Variants in GABRR3 observed in about 807,000 individuals in gnomAD.
GABRR3 encodes the protein gamma-aminobutyric acid receptor subunit rho-3.
In GABRR3, 29 loss-of-function variants were observed where a neutral mutation model predicts 43.2. The observed-to-expected ratio is 0.67, with a 90% CI of 0.50 to 0.92. The LOEUF (loss-of-function observed/expected upper bound fraction) is 0.92. Ranked by LOEUF, GABRR3 falls within the 40% of genes least tolerant of loss-of-function variation. GABRR3 has a pLI of 0.00. For missense variants in GABRR3, 576 were observed against 572.3 expected (o/e 1.01, Z -0.07); for synonymous variants, 206 against 195.9 (o/e 1.05, Z -0.43).
intron 7 of GABRR3, among the ~76,000 whole-genome samples, chr3:98,002,939 C>G (rs1706671359): frequency 6.6e-6 from 1 of 152,060 alleles, no homozygotes; most frequent in Non-Finnish European, 1.5e-5. Context: ...TACACCTGGC[C>G]AACCCACACT....
rs376345458 is a variant in GABRR3, at chr3:98,012,331, C to A, written c.530+13G>T. 1.1e-5 allele frequency: 18 copies of A among 1,606,326 alleles called. No individual in the cohort carries two copies. Among genetic ancestry groups the A allele is most frequent in the Non-Finnish European group, 1.5e-5 (18 of 1,173,660 alleles). ...GTACAGGGAAGCCAAAGGCGATAGG[C>A]AGCTTTCCTTACCTGAGACTTAGGA... On this transcript the variant is annotated intron_variant, in intron 5 of 9. Transcript: ENST00000621172.
chr3:98,019,593 CT>C (rs796580166), intron 3 of GABRR3, among the ~76,000 whole-genome samples: 11 of 149,592 alleles, frequency 7.4e-5, no homozygotes, highest in African/African-American at 1.2e-4. Context: ...CTAATTATGA[CT>C]TTTTTTTTTG....
chr3:98,005,210 A>AACACAC (rs60490447), intron 7 of GABRR3, among the ~76,000 whole-genome samples: 23,418 of 147,888 alleles, frequency 0.16, 2,211 homozygotes, highest in East Asian at 0.21. Context: ...CTAGGCTTTT[A>AACACAC]ACACACACAC....
chr3:98,020,678 T>C (rs1706931278), intron 3 of GABRR3, among the ~76,000 whole-genome samples: 1 of 152,004 alleles, frequency 6.6e-6, no homozygotes, highest in Admixed American at 6.6e-5. Flanking sequence ...TAAAGGTTGT[T>C]TGAAGGCTGA....
chr3:98,029,063 G>A (rs1427485057), intron 2 of GABRR3, among the ~76,000 whole-genome samples: 1 of 152,132 alleles, frequency 6.6e-6, no homozygotes, highest in East Asian at 1.9e-4. Flanking sequence ...CCGCTACTGA[G>A]AAGAAGCTTT....
Position 98,018,607 on chromosome 3 carries a change from G to A in GABRR3, c.239-885C>T, listed in dbSNP as rs142667252. ...TTGATGTTAGTAACATCAACATTTA[G>A]TTTTGCGATGGAAATTTTATGTACA... On this transcript the variant is annotated intron_variant, in intron 3 of 9. Transcript: ENST00000621172. Among the ~76,000 whole-genome samples, 454 of 152,140 alleles carry A rather than the reference G, an allele frequency of 3.0e-3. 4 individuals carry two copies. The highest frequency in any genetic ancestry group is 4.9e-3 in the Non-Finnish European group (330 of 67,996).
chr3:98,016,856 G>C (rs1465970608), intron 4 of GABRR3, among the ~76,000 whole-genome samples: 1 of 152,122 alleles, frequency 6.6e-6, no homozygotes, highest in Non-Finnish European at 1.5e-5. Flanking sequence ...AACAAGGAAA[G>C]TGGTCCTAAA....
At chr3:98,034,795 G>A in intron 2 of GABRR3, 68 bp downstream of exon 2, 1 of 1,579,650 alleles carries the variant, frequency 6.3e-7, no homozygotes, top group Non-Finnish European at 8.7e-7. Context: ...CAGGTTTCCT[G>A]TAGGTCTGAG....
intron 2 of GABRR3, among the ~76,000 whole-genome samples, chr3:98,031,431 C>T (rs1206300712): frequency 6.6e-6 from 1 of 152,178 alleles, no homozygotes; most frequent in Non-Finnish European, 1.5e-5. Context: ...TCTGGCCACA[C>T]GAGGCTCAAG....
Position 98,017,660 on chromosome 3 carries a change from T to C in GABRR3, c.301A>G (p.Asn101Asp), listed in dbSNP as rs770302737. 98 of 1,608,136 alleles carry C rather than the reference T, an allele frequency of 6.1e-5. No individual in the cohort carries two copies. Among genetic ancestry groups the C allele is most frequent in the Non-Finnish European group, 1.9e-5 (22 of 1,176,670 alleles). ...TATCCCATGAAGAAACTTACCATGTTAGTCTCTGAAATGCTGTCAATGCTT... is the reference window on the plus strand; with the variant it reads ...TATCCCATGAAGAAACTTACCATGTCAGTCTCTGAAATGCTGTCAATGCTT... The change falls in exon 4 of 10, where the codon AAC (asparagine) becomes GAC (aspartate). Residue 101 changes from asparagine (N) to aspartate (D), a missense_variant. Physicochemically the swap from Asn to Asp is conservative, Grantham distance 23 (BLOSUM62 1). Coordinates refer to ENST00000621172, the Ensembl canonical transcript of GABRR3.
At chr3:98,021,319 C>G (rs1475104882) in intron 3 of GABRR3, among the ~76,000 whole-genome samples, 1 of 152,110 alleles carries the variant, frequency 6.6e-6, no homozygotes, top group African/African-American at 2.4e-5. Flanking sequence ...CAGATAAAAG[C>G]TCCAAAGATC....
intron 4 of GABRR3, among the ~76,000 whole-genome samples, chr3:98,015,475 C>T (rs1706862835): frequency 6.6e-6 from 1 of 152,202 alleles, no homozygotes; most frequent in Non-Finnish European, 1.5e-5. Flanking sequence ...GGATTATAGG[C>T]ATGAGCCACT....
chr3:97,990,182 C>T (rs1351681933), intron 9 of GABRR3, among the ~76,000 whole-genome samples: 1 of 152,148 alleles, frequency 6.6e-6, no homozygotes, highest in Admixed American at 6.6e-5. Flanking sequence ...TTTATATTTG[C>T]AAAGTTTTTA....
At chr3:98,028,187 G>A (rs964794032) in intron 2 of GABRR3, among the ~76,000 whole-genome samples, 3 of 152,092 alleles carry the variant, frequency 2.0e-5, no homozygotes, top group Admixed American at 6.5e-5. Context: ...CTATGTATCG[G>A]CAAATGGGTA....
chr3:97,985,859 ATTT>A (rs56136655), downstream of GABRR3, among the ~76,000 whole-genome samples: 1 of 149,654 alleles, frequency 6.7e-6, no homozygotes, highest in Non-Finnish European at 1.5e-5. Context: ...ATATATATAT[ATTT>A]TTTTTTATTT....
intron 9 of GABRR3, among the ~76,000 whole-genome samples, chr3:97,990,039 C>A (rs372629905): frequency 4.6e-5 from 7 of 152,284 alleles, no homozygotes; most frequent in South Asian, 2.1e-4. Context: ...CCGGCCTCTC[C>A]CATTGCATCC....
chr3:98,022,934 T>A (rs1706968382), intron 3 of GABRR3, among the ~76,000 whole-genome samples: 1 of 152,124 alleles, frequency 6.6e-6, no homozygotes, highest in African/African-American at 2.4e-5. Context: ...TTCAGGTCAA[T>A]TTCATGTTTT....
intron 8 of GABRR3, among the ~76,000 whole-genome samples, chr3:97,994,563 A>C (rs935870095): frequency 1.3e-5 from 2 of 152,232 alleles, no homozygotes; most frequent in African/African-American, 4.8e-5. Flanking sequence ...GCTCTAAAAC[A>C]TACTTGCTAC....
chr3:98,014,024 G>A (rs181196840), intron 4 of GABRR3, among the ~76,000 whole-genome samples: 6 of 152,186 alleles, frequency 3.9e-5, no homozygotes, highest in South Asian at 2.1e-4. Context: ...AAGTTAGGGC[G>A]GATGAGAGAG....
Sources: gnomAD v4.1 joint callset for allele counts (sites outside exome capture counted in the v4.1 genomes callset) on GRCh38, gnomAD v4.1.1 for gene constraint, MANE v1.5 for transcripts, NCBI Gene and HGNC (gene_info 2026-07-23, HGNC 2026-07-21) for gene names.